Variants in IL1RAPL2 observed in about 807,000 individuals in gnomAD.
The protein encoded by IL1RAPL2 is X-linked interleukin-1 receptor accessory protein-like 2.
A neutral mutation model predicts 44.1 loss-of-function variants in IL1RAPL2; 3 were observed. The observed-to-expected ratio is 0.07, with a 90% CI of 0.03 to 0.18. IL1RAPL2 has a LOEUF of 0.18. IL1RAPL2 is among the 10% of genes least tolerant of loss of function. The pLI is 1.00. For synonymous variants in IL1RAPL2, 181 were observed against 178.8 expected, an observed-to-expected ratio of 1.01 and a Z score of -0.10; for missense variants, 391 against 496.4, an observed-to-expected ratio of 0.79 and a Z score of 2.02.
At chrX:105,074,750 T>C (rs1361049389) in intron 2 of IL1RAPL2, among the ~76,000 whole-genome samples, 11 of 107,941 alleles carry the variant, frequency 1.0e-4, no homozygotes, top group African/African-American at 1.3e-4. Flanking sequence ...TTGAAGAGGT[T>C]CTTCACATCC....
intron 1 of IL1RAPL2, among the ~76,000 whole-genome samples, chrX:104,637,804 G>T (rs866816485): frequency 9.4e-6 from 1 of 106,470 alleles, no homozygotes; most frequent in Non-Finnish European, 1.9e-5. Context: ...GTGTGTGTCT[G>T]TGTGTGTGTG....
chrX:105,395,367 A>T (rs2035554467), intron 5 of IL1RAPL2, among the ~76,000 whole-genome samples: 1 of 109,782 alleles, frequency 9.1e-6, no homozygotes, highest in Admixed American at 9.7e-5. Context: ...GATATTCTTA[A>T]TTTTTTTTAA....
At chrX:105,572,008 A>G (rs1199164922) in intron 6 of IL1RAPL2, among the ~76,000 whole-genome samples, 1 of 111,763 alleles carries the variant, frequency 8.9e-6, no homozygotes, top group African/African-American at 3.2e-5. Flanking sequence ...TTTCAATGTC[A>G]GGTTTTTGTA....
At chrX:105,602,008 A>AGGTGCCT (rs2037255771) in intron 6 of IL1RAPL2, among the ~76,000 whole-genome samples, 1 of 111,540 alleles carries the variant, frequency 9.0e-6, no homozygotes, top group African/African-American at 3.3e-5. Context: ...CTTGCCTGCC[A>AGGTGCCT]GGTGCCTGCT....
At chrX:105,462,384 A>C (rs1381690941) in intron 5 of IL1RAPL2, among the ~76,000 whole-genome samples, 2 of 111,009 alleles carry the variant, frequency 1.8e-5, no homozygotes, top group African/African-American at 6.6e-5. Context: ...GAAGGAAAAA[A>C]ATTTGCCGAA....
intron 2 of IL1RAPL2, among the ~76,000 whole-genome samples, chrX:104,714,676 A>G (rs2147559847): frequency 9.0e-6 from 1 of 111,532 alleles, no homozygotes; most frequent in East Asian, 2.8e-4. Context: ...GTTTATTGAA[A>G]GTTTTTAACA....
At position 105,302,335 on chromosome X, in the gene IL1RAPL2, A is replaced by G. The variant is rs758038159; in HGVS notation, c.697+34794A>G. Among the ~76,000 whole-genome samples, 19 of 111,477 alleles carry G rather than the reference A, an allele frequency of 1.7e-4. No homozygotes were observed. In the South Asian group the frequency reaches 7.2e-3, roughly 42 times the overall value. ...GGGCTAGCTTTTCAGTTTGTTGATT[A>G]TTTCCTTTGCTGTGCAGACACTTCT... On this transcript the variant is annotated intron_variant, in intron 5 of 10. Coordinates refer to ENST00000372582, the MANE Select transcript of IL1RAPL2 (RefSeq NM_017416.2).
chrX:105,200,067 A>G (rs1381708554), intron 3 of IL1RAPL2, among the ~76,000 whole-genome samples: 2 of 111,810 alleles, frequency 1.8e-5, no homozygotes, highest in African/African-American at 6.5e-5. Context: ...CAAGAGTGAC[A>G]TTTATTGTGA....
rs187146389 is a variant in IL1RAPL2, at chrX:105,709,640, G to C, written c.773-7727G>C. Among the ~76,000 whole-genome samples, 239 of 111,302 alleles carry C rather than the reference G, an allele frequency of 2.1e-3. 3 individuals carry two copies. The highest frequency in any genetic ancestry group is 7.6e-3 in the African/African-American group (232 of 30,684). The stretch of plus-strand genomic sequence containing the variant: ...TCAAAGCAGTATAGTGGAAGGGCTG[G>C]GGCTATAACGTTGACGTCCTAACAC... On this transcript the variant is annotated intron_variant, in intron 6 of 10. Transcript: ENST00000372582.
intron 2 of IL1RAPL2, among the ~76,000 whole-genome samples, chrX:105,032,446 C>T (rs2031523546): frequency 9.1e-6 from 1 of 110,461 alleles, no homozygotes; most frequent in African/African-American, 3.3e-5. Flanking sequence ...TCGTTGGTTT[C>T]AAAGAACATC....
chrX:105,743,276 C>T (rs1409316355), intron 8 of IL1RAPL2, among the ~76,000 whole-genome samples: 2 of 111,970 alleles, frequency 1.8e-5, no homozygotes, highest in South Asian at 3.7e-4. Context: ...AATCCCAAAA[C>T]TTTATCATGT....
chrX:104,971,547 T>C (rs754037670), intron 2 of IL1RAPL2, among the ~76,000 whole-genome samples: 18 of 110,945 alleles, frequency 1.6e-4, no homozygotes, highest in African/African-American at 5.2e-4. Flanking sequence ...CAGCAGGTTT[T>C]ATTAATAACT....
chrX:105,494,879 A>G, intron 6 of IL1RAPL2, among the ~76,000 whole-genome samples: 1 of 112,001 alleles, frequency 8.9e-6, no homozygotes, highest in Non-Finnish European at 1.9e-5. Context: ...ACAAGGCAGG[A>G]GATCTGGGAA....
At chrX:105,535,496 A>C (rs1161590978) in intron 6 of IL1RAPL2, among the ~76,000 whole-genome samples, 2 of 112,119 alleles carry the variant, frequency 1.8e-5, no homozygotes, top group Admixed American at 1.9e-4. Context: ...TCACACATAA[A>C]CACACATGAA....
At chrX:105,309,878 G>T in intron 5 of IL1RAPL2, among the ~76,000 whole-genome samples, 1 of 111,661 alleles carries the variant, frequency 9.0e-6, no homozygotes, top group East Asian at 2.8e-4. Flanking sequence ...GTATACATAT[G>T]TGTATGTGTG....
chrX:104,776,912 T>C (rs1569312680), intron 2 of IL1RAPL2, among the ~76,000 whole-genome samples: 1 of 111,794 alleles, frequency 8.9e-6, no homozygotes, highest in Non-Finnish European at 1.9e-5. Flanking sequence ...TAACGCTCTT[T>C]TTCTGTTCCA....
intron 4 of IL1RAPL2, among the ~76,000 whole-genome samples, chrX:105,262,776 C>T (rs925412884): frequency 9.0e-6 from 1 of 111,620 alleles, no homozygotes; most frequent in Non-Finnish European, 1.9e-5. Context: ...TTATCCTAGG[C>T]CTTTGGAGTA....
At chrX:104,797,071 C>A (rs757897880) in intron 2 of IL1RAPL2, among the ~76,000 whole-genome samples, 1 of 108,866 alleles carries the variant, frequency 9.2e-6, no homozygotes, top group African/African-American at 3.3e-5. Flanking sequence ...CCACGTCTGG[C>A]ATTGTTCTTC....
At chrX:104,911,860 A>G (rs997480878) in intron 2 of IL1RAPL2, among the ~76,000 whole-genome samples, 2 of 111,446 alleles carry the variant, frequency 1.8e-5, no homozygotes, top group South Asian at 3.8e-4. Context: ...GAGAATTTAT[A>G]TTTTCTGTTC....
Sources: gnomAD v4.1 joint callset for allele counts (sites outside exome capture counted in the v4.1 genomes callset) on GRCh38, gnomAD v4.1.1 for gene constraint, MANE v1.5 for transcripts, NCBI Gene and HGNC (gene_info 2026-07-23, HGNC 2026-07-21) for gene names.